The following PAK3 variants were observed in gnomAD, a reference collection of about 807,000 sequenced individuals.
PAK3 encodes p21 (RAC1) activated kinase 3.
In PAK3, 4 loss-of-function variants were observed where a neutral mutation model predicts 41.0. That is an observed-to-expected ratio of 0.10 (90% CI 0.05 to 0.22). The LOEUF (loss-of-function observed/expected upper bound fraction) is 0.22, where lower values mean the gene tolerates loss of function less well. PAK3 is among the 10% of genes least tolerant of loss of function. The pLI is 1.00. For synonymous variants in PAK3, 146 were observed against 139.6 expected, an observed-to-expected ratio of 1.05 and a Z score of -0.32; for missense variants, 205 against 409.9, an observed-to-expected ratio of 0.50 and a Z score of 4.32.
At chrX:111,154,346 G>C (rs764024607) in intron 8 of PAK3, among the ~76,000 whole-genome samples, 1 of 111,016 alleles carries the variant, frequency 9.0e-6, no homozygotes, top group East Asian at 2.8e-4. Flanking sequence ...AAGAATGAAG[G>C]CTCTGGATGT....
chrX:111,128,136 C>T (rs1339352676), intron 5 of PAK3, among the ~76,000 whole-genome samples: 4 of 112,062 alleles, frequency 3.6e-5, no homozygotes, highest in African/African-American at 1.3e-4. Flanking sequence ...TTCTGTGTGA[C>T]GTCTGTGTCT....
At chrX:111,091,662 G>A (rs1486535537), upstream of PAK3, among the ~76,000 whole-genome samples, 1 of 111,852 alleles carries the variant, frequency 8.9e-6, no homozygotes, top group Admixed American at 9.4e-5. Context: ...TCTTTGCCCA[G>A]CAGGTAACCC....
intron 3 of PAK3, chrX:111,098,516 A>T (rs757350074): frequency 3.6e-5 from 4 of 111,139 alleles, no homozygotes; most frequent in Non-Finnish European, 7.5e-5. Context: ...TAGAAGGATG[A>T]TTCTAGATAT....
intron 1 of PAK3, among the ~76,000 whole-genome samples, chrX:111,077,079 T>C (rs2092792251): frequency 1.8e-5 from 2 of 111,341 alleles, no homozygotes; most frequent in African/African-American, 3.3e-5. Context: ...AAATAAGATA[T>C]ACTATTTAGG....
At chrX:110,966,513 G>A (rs1461966577) in intron 1 of PAK3, among the ~76,000 whole-genome samples, 1 of 111,270 alleles carries the variant, frequency 9.0e-6, no homozygotes, top group Non-Finnish European at 1.9e-5. Context: ...GAGATCAGGG[G>A]TGGGAAGGAG....
chrX:110,959,882 G>T (rs1569496865), intron 1 of PAK3, among the ~76,000 whole-genome samples: 4 of 111,372 alleles, frequency 3.6e-5, no homozygotes, highest in Non-Finnish European at 5.7e-5. Context: ...TAAATTCATT[G>T]TTTTTTTTAA....
intron 1 of PAK3, among the ~76,000 whole-genome samples, chrX:111,019,530 C>A (rs746896365): frequency 4.1e-3 from 305 of 74,664 alleles, no homozygotes; most frequent in Non-Finnish European, 4.9e-3. Flanking sequence ...ACCATCTTTA[C>A]AAAAAAAAAA....
At chrX:111,207,253 TAC>T (rs1026294399) in intron 16 of PAK3, among the ~76,000 whole-genome samples, 4 of 109,197 alleles carry the variant, frequency 3.7e-5, no homozygotes, top group African/African-American at 1.3e-4. Flanking sequence ...TACATATATA[TAC>T]ACACACACAC....
chrX:111,183,411 A>T (rs1182525380), intron 11 of PAK3, among the ~76,000 whole-genome samples: 1 of 111,484 alleles, frequency 9.0e-6, no homozygotes, highest in Non-Finnish European at 1.9e-5. Context: ...CACCAGATTT[A>T]TATTTGTAAA....
intron 1 of PAK3, among the ~76,000 whole-genome samples, chrX:111,014,162 A>G (rs2092053344): frequency 1.8e-5 from 2 of 112,038 alleles, no homozygotes; most frequent in African/African-American, 6.5e-5. Flanking sequence ...CCTCCAGTCT[A>G]CACTATATGC....
At chrX:111,217,645 T>C in intron 17 of PAK3, 1 of 932,723 alleles carries the variant, frequency 1.1e-6, no homozygotes, top group Non-Finnish European at 1.4e-6. Flanking sequence ...ACTACATCTT[T>C]TCTTTTCTGC....
Position 110,974,166 on chromosome X carries a change from G to A in PAK3, c.-28+29538G>A, listed in dbSNP as rs376878280. Among the ~76,000 whole-genome samples, 520 of 111,050 alleles carry A rather than the reference G, an allele frequency of 4.7e-3. 3 individuals carry two copies. The highest frequency in any genetic ancestry group is 0.016 in the African/African-American group (495 of 30,522). ...ATTAGACAGATCAATGAGACAGAAG[G>A]TTAACAAGGATATCCATGGCCTGAA... On this transcript the variant is annotated intron_variant, in intron 1 of 14. Transcript: ENST00000425146.
At chrX:111,145,628 A>G (rs1303961420) in intron 6 of PAK3, among the ~76,000 whole-genome samples, 2 of 111,794 alleles carry the variant, frequency 1.8e-5, no homozygotes, top group African/African-American at 6.5e-5. Context: ...TGCGTGAAAA[A>G]TGCATGTAAA....
intron 4 of PAK3, among the ~76,000 whole-genome samples, chrX:111,107,673 C>A (rs933645105): frequency 6.2e-5 from 7 of 112,039 alleles, no homozygotes; most frequent in African/African-American, 1.9e-4. Flanking sequence ...GGTATGGGTT[C>A]TAGCATGCCT....
chrX:111,170,222 T>C (rs9320060), intron 10 of PAK3, among the ~76,000 whole-genome samples: 31,449 of 110,674 alleles, frequency 0.28, 8,245 homozygotes, highest in African/African-American at 0.85. Context: ...AATGATGACT[T>C]GCAGATTTCT....
intron 1 of PAK3, among the ~76,000 whole-genome samples, chrX:111,016,367 A>G (rs1357130213): frequency 9.0e-6 from 1 of 111,421 alleles, no homozygotes; most frequent in Non-Finnish European, 1.9e-5. Context: ...GTCCCCATAA[A>G]TGTTAGCTGG....
Position 111,216,538 on chromosome X carries a change from T to C in PAK3, c.1525T>C (p.Ser509Pro). The change falls in exon 17 of 18, where the codon TCT becomes CCT. Residue 509 changes from serine to proline, a missense_variant. Transcript: ENST00000372007. ...CLEMDVDRRGSAKELLQHPFL... is the reference protein window; with the variant it reads ...CLEMDVDRRGPAKELLQHPFL... ...TGAGATGGATGTGGATAGGCGAGGATCTGCCAAGGAGCTTTTGCAGGTGAA... is the reference window on the plus strand; with the variant it reads ...TGAGATGGATGTGGATAGGCGAGGACCTGCCAAGGAGCTTTTGCAGGTGAA... 8.3e-7 allele frequency: 1 copy of C among 1,203,472 alleles called. No homozygotes were observed. The highest frequency in any genetic ancestry group is 1.1e-6 in the Non-Finnish European group (1 of 887,928).
At chrX:111,172,332 G>A (rs910671192) in intron 10 of PAK3, among the ~76,000 whole-genome samples, 1 of 111,610 alleles carries the variant, frequency 9.0e-6, no homozygotes, top group Non-Finnish European at 1.9e-5. Flanking sequence ...ATGAGCCTGA[G>A]CACATTTTTG....
intron 1 of PAK3, among the ~76,000 whole-genome samples, chrX:111,043,040 G>C (rs1055895051): frequency 9.0e-6 from 1 of 111,464 alleles, no homozygotes. Context: ...TGTAATCCCA[G>C]CACTTTTGTG....
Sources: gnomAD v4.1 joint callset for allele counts (sites outside exome capture counted in the v4.1 genomes callset) on GRCh38, gnomAD v4.1.1 for gene constraint, MANE v1.5 for transcripts, NCBI Gene and HGNC (gene_info 2026-07-23, HGNC 2026-07-21) for gene names.